ANKRD28: variants seen among roughly 807,000 people sequenced by gnomAD.
The protein encoded by ANKRD28 is ankyrin repeat domain 28, also known as serine/threonine-protein phosphatase 6 regulatory ankyrin repeat subunit A.
ANKRD28 carries 44 observed loss-of-function variants against 126.5 expected under a neutral mutation model. That is an observed-to-expected ratio of 0.35 (90% CI 0.27 to 0.45). The LOEUF (loss-of-function observed/expected upper bound fraction) is 0.45. Ranked by LOEUF, ANKRD28 falls within the 20% of genes least tolerant of loss-of-function variation. The pLI, the probability that ANKRD28 is intolerant of heterozygous loss-of-function variation, is 1.00. For synonymous variants in ANKRD28, 442 were observed against 468.5 expected (o/e 0.94, Z 0.73); for missense variants, 1,110 against 1,316.6 (o/e 0.84, Z 2.43).
At chr3:15,766,696 A>G (rs1182514181) in intron 2 of ANKRD28, among the ~76,000 whole-genome samples, 1 of 152,180 alleles carries the variant, frequency 6.6e-6, no homozygotes, top group African/African-American at 2.4e-5. Flanking sequence ...AAAAACAACA[A>G]AACAAAAACA....
chr3:15,849,188 A>G (rs1201290664), intron 1 of ANKRD28, among the ~76,000 whole-genome samples: 2 of 152,232 alleles, frequency 1.3e-5, no homozygotes, highest in African/African-American at 4.8e-5. Flanking sequence ...TCCCATGTTC[A>G]TGGAAAGACT....
intron 8 of ANKRD28, among the ~76,000 whole-genome samples, chr3:15,715,876 G>GA (rs947233240): frequency 8.7e-5 from 13 of 148,600 alleles, no homozygotes; most frequent in East Asian, 2.0e-4. Flanking sequence ...TGTTCAACCA[G>GA]AAAAAAAAAG....
At chr3:15,754,798 T>G (rs1040842223) in intron 3 of ANKRD28, among the ~76,000 whole-genome samples, 2 of 152,184 alleles carry the variant, frequency 1.3e-5, no homozygotes, top group African/African-American at 4.8e-5. Flanking sequence ...AGGGTAGTAA[T>G]GCAACTTTAT....
At chr3:15,858,549 A>G (rs2126013826) in intron 1 of ANKRD28, among the ~76,000 whole-genome samples, 1 of 152,344 alleles carries the variant, frequency 6.6e-6, no homozygotes, top group South Asian at 2.1e-4. Flanking sequence ...TCTGTTCAAC[A>G]TCTTCTGTTC....
intron 2 of ANKRD28, among the ~76,000 whole-genome samples, chr3:15,766,833 T>TA (rs1348338004): frequency 3.3e-5 from 5 of 151,918 alleles, no homozygotes; most frequent in African/African-American, 1.2e-4. Flanking sequence ...TTTCTTTGAA[T>TA]AAAGATGCTT....
intron 2 of ANKRD28, among the ~76,000 whole-genome samples, chr3:15,777,901 CA>C (rs1162148186): frequency 7.7e-4 from 115 of 149,234 alleles, no homozygotes; most frequent in African/African-American, 2.2e-3. Flanking sequence ...CACACACACA[CA>C]CCCTCTCCGC....
At chr3:15,806,813 T>C (rs975670930) in intron 1 of ANKRD28, among the ~76,000 whole-genome samples, 1 of 152,208 alleles carries the variant, frequency 6.6e-6, no homozygotes, top group African/African-American at 2.4e-5. Context: ...TGAGCCACCA[T>C]GTCCGGCCCA....
chr3:15,802,791 C>T (rs143411262), upstream of ANKRD28, among the ~76,000 whole-genome samples: 1 of 152,282 alleles, frequency 6.6e-6, no homozygotes, highest in African/African-American at 2.4e-5. Flanking sequence ...GGCTCAGTAA[C>T]ATCTAGTCAG....
At chr3:15,727,429 T>G (rs1575412317) in intron 6 of ANKRD28, among the ~76,000 whole-genome samples, 1 of 151,486 alleles carries the variant, frequency 6.6e-6, no homozygotes, top group South Asian at 2.1e-4. Context: ...TAGCCAGGTG[T>G]GGTGGCGGGT....
At chr3:15,765,538 T>G (rs2058695534) in intron 3 of ANKRD28, among the ~76,000 whole-genome samples, 1 of 152,126 alleles carries the variant, frequency 6.6e-6, no homozygotes, top group South Asian at 2.1e-4. Context: ...CTACTATAAC[T>G]GTTCCATATA....
chr3:15,683,390 G>T (rs1559327924), intron 21 of ANKRD28, among the ~76,000 whole-genome samples: 1 of 152,048 alleles, frequency 6.6e-6, no homozygotes. Context: ...TATCTTCTTT[G>T]TTCTAGTATG....
At position 15,806,830 on chromosome 3, in the gene ANKRD28, C is replaced by G. The variant is rs925044273; in HGVS notation, c.28-11524G>C. ...AGCCACCATGTCCGGCCCATCATGA[C>G]ATCTTAATGGGCCTTCCACCAGTGT... On this transcript the variant is annotated intron_variant, in intron 1 of 27. Transcript: ENST00000399451. Among the ~76,000 whole-genome samples the G allele has an allele frequency of 8.5e-5, 13 of 152,192 alleles. No homozygotes were observed. The East Asian group carries it at 2.5e-3, about 29-fold the overall frequency.
At chr3:15,780,286 A>C (rs2059483913) in intron 2 of ANKRD28, among the ~76,000 whole-genome samples, 1 of 152,164 alleles carries the variant, frequency 6.6e-6, no homozygotes, top group Admixed American at 6.5e-5. Flanking sequence ...CTATCTAAAA[A>C]GGAAATTAAG....
At chr3:15,743,375 C>CA (rs749792427) in intron 4 of ANKRD28, among the ~76,000 whole-genome samples, 3,839 of 147,940 alleles carry the variant, frequency 0.026, 163 homozygotes, top group African/African-American at 0.087. Context: ...AACAAACAAA[C>CA]AAAAAAAAAC....
At chr3:15,683,729 G>T (rs1452117525) in intron 21 of ANKRD28, 1 of 152,090 alleles carries the variant, frequency 6.6e-6, no homozygotes, top group Non-Finnish European at 1.5e-5. Flanking sequence ...TCAAAATATT[G>T]TATCTCAGAA....
chr3:15,823,344 G>A (rs1300182906), intron 1 of ANKRD28, among the ~76,000 whole-genome samples: 2 of 152,192 alleles, frequency 1.3e-5, no homozygotes, highest in Admixed American at 6.5e-5. Flanking sequence ...CTAATGGGCC[G>A]TGGACCATCT....
At chr3:15,671,108 TG>T (rs1185526344) in intron 27 of ANKRD28, among the ~76,000 whole-genome samples, 1 of 152,234 alleles carries the variant, frequency 6.6e-6, no homozygotes, top group Non-Finnish European at 1.5e-5. Context: ...ACTTTTCTCT[TG>T]GGGTCACAGT....
chr3:15,672,458 C>T (rs567403208), intron 27 of ANKRD28, among the ~76,000 whole-genome samples: 46 of 152,184 alleles, frequency 3.0e-4, no homozygotes, highest in Admixed American at 2.9e-3. Flanking sequence ...AGTAATTTTT[C>T]CCCCTTTGTA....
chr3:15,706,377 G>GA (rs1369903546), intron 14 of ANKRD28, among the ~76,000 whole-genome samples: 1 of 110 alleles, frequency 9.1e-3, no homozygotes, highest in Non-Finnish European at 0.019. Flanking sequence ...TGCTCAGAAT[G>GA]ATGTTTCCAG....
Sources: gnomAD v4.1 joint callset for allele counts (sites outside exome capture counted in the v4.1 genomes callset) on GRCh38, gnomAD v4.1.1 for gene constraint, MANE v1.5 for transcripts, NCBI Gene and HGNC (gene_info 2026-07-23, HGNC 2026-07-21) for gene names.